Variants in LUZP2 observed in about 807,000 individuals in gnomAD.
LUZP2 encodes leucine zipper protein 2.
A neutral mutation model predicts 51.6 loss-of-function variants in LUZP2; 52 were observed. The ratio of observed to expected loss-of-function variants is 1.01; its 90% CI spans 0.81 to 1.27. LUZP2 has a LOEUF of 1.27. Among genes scored for constraint, LUZP2 ranks in the 50% most tolerant of loss-of-function variants. The probability of loss-of-function intolerance (pLI) is 0.00; values close to 1 mark genes in which losing one functional copy is unlikely to be tolerated. For missense variants in LUZP2, 436 were observed against 395.4 expected (o/e 1.10, Z -0.87); for synonymous variants, 154 against 137.3 (o/e 1.12, Z -0.85).
At chr11:25,077,664 T>C (rs1368512043) in intron 11 of LUZP2, among the ~76,000 whole-genome samples, 7 of 151,168 alleles carry the variant, frequency 4.6e-5, no homozygotes, top group African/African-American at 1.7e-4. Flanking sequence ...CACGCCCAAA[T>C]TTTTTGTATT....
intron 9 of LUZP2, among the ~76,000 whole-genome samples, chr11:25,014,092 T>C (rs1354709261): frequency 1.3e-5 from 2 of 152,228 alleles, no homozygotes; most frequent in East Asian, 1.9e-4. Flanking sequence ...TCCTTTTTTA[T>C]GGCTGCATAG....
At position 24,963,433 on chromosome 11, in the gene LUZP2, C is replaced by T. The variant is rs529828739; in HGVS notation, c.523-13158C>T. 1.2e-4 allele frequency among the ~76,000 whole-genome samples: 19 copies of T among 152,288 alleles called. No homozygotes were observed. In the East Asian group the frequency reaches 1.7e-3, roughly 14 times the overall value. ...TGGGCTCCACCCAGTTCGAGCTTCC[C>T]GGCTGCTTTGTTTACCTAAGCAAGC... On this transcript the variant is annotated intron_variant, in intron 7 of 11. Transcript: ENST00000336930.
At chr11:24,812,021 C>A (rs1311395442) in intron 5 of LUZP2, among the ~76,000 whole-genome samples, 3 of 152,120 alleles carry the variant, frequency 2.0e-5, no homozygotes, top group East Asian at 1.9e-4. Flanking sequence ...CATTTGCCAT[C>A]TCACCCTATG....
At chr11:25,015,015 C>T (rs948672412) in intron 9 of LUZP2, among the ~76,000 whole-genome samples, 2 of 152,084 alleles carry the variant, frequency 1.3e-5, no homozygotes, top group Non-Finnish European at 2.9e-5. Context: ...GGAATCCTTT[C>T]CCCATTTCTT....
At chr11:24,562,103 A>G (rs1852059712) in intron 1 of LUZP2, among the ~76,000 whole-genome samples, 2 of 152,136 alleles carry the variant, frequency 1.3e-5, no homozygotes, top group Admixed American at 1.3e-4. Flanking sequence ...TGAGGTATCT[A>G]CGTTAGTTTT....
intron 1 of LUZP2, among the ~76,000 whole-genome samples, chr11:24,653,524 G>A (rs1412371128): frequency 1.3e-5 from 2 of 152,138 alleles, no homozygotes; most frequent in African/African-American, 2.4e-5. Context: ...TCCGAATTCA[G>A]TGAAGAGATC....
chr11:25,024,690 G>T (rs1376359147), intron 9 of LUZP2, among the ~76,000 whole-genome samples: 1 of 152,060 alleles, frequency 6.6e-6, no homozygotes, highest in Non-Finnish European at 1.5e-5. Context: ...TGGATAGGAA[G>T]AATCAATATT....
chr11:24,845,554 C>T (rs2631474), intron 5 of LUZP2, among the ~76,000 whole-genome samples: 23,054 of 151,956 alleles, frequency 0.15, 1,919 homozygotes, highest in African/African-American at 0.2. Context: ...CAGAATGATA[C>T]GGTTTGGCTG....
intron 10 of LUZP2, among the ~76,000 whole-genome samples, chr11:25,069,548 T>C (rs1429787885): frequency 6.6e-6 from 1 of 151,874 alleles, no homozygotes; most frequent in Non-Finnish European, 1.5e-5. Flanking sequence ...GAGCATGTTT[T>C]CCCAGTGAGT....
intron 5 of LUZP2, among the ~76,000 whole-genome samples, chr11:24,862,996 T>C (rs1851784930): frequency 6.6e-6 from 1 of 152,060 alleles, no homozygotes; most frequent in Admixed American, 6.6e-5. Context: ...TGAAACCACA[T>C]TGAGAAACCA....
chr11:25,032,332 C>T (rs140173518), intron 9 of LUZP2, among the ~76,000 whole-genome samples: 13 of 152,226 alleles, frequency 8.5e-5, no homozygotes, highest in South Asian at 2.1e-4. Context: ...AAACTAATAA[C>T]GCTGGTATGA....
chr11:24,791,617 C>T (rs1849412225), intron 5 of LUZP2, among the ~76,000 whole-genome samples: 1 of 151,988 alleles, frequency 6.6e-6, no homozygotes, highest in African/African-American at 2.4e-5. Flanking sequence ...ATCTCTTCAA[C>T]ATGTTGTATA....
intron 1 of LUZP2, among the ~76,000 whole-genome samples, chr11:24,666,058 A>C (rs987253775): frequency 2.0e-5 from 3 of 152,198 alleles, no homozygotes; most frequent in African/African-American, 4.8e-5. Flanking sequence ...AAACTCAAAA[A>C]ATTATTTACC....
intron 5 of LUZP2, among the ~76,000 whole-genome samples, chr11:24,833,707 C>T (rs2631488): frequency 2.6e-3 from 310 of 117,530 alleles, no homozygotes; most frequent in Non-Finnish European, 3.3e-3. Flanking sequence ...TGCCACCGCG[C>T]GCGCGCACAC....
chr11:25,074,964 AT>A (rs1859258934), intron 10 of LUZP2, among the ~76,000 whole-genome samples: 1 of 152,206 alleles, frequency 6.6e-6, no homozygotes, highest in Admixed American at 6.5e-5. Flanking sequence ...TACCAAGTGC[AT>A]TTTGGGAAAT....
chr11:24,641,646 A>G (rs1052806951), intron 1 of LUZP2, among the ~76,000 whole-genome samples: 4 of 151,860 alleles, frequency 2.6e-5, no homozygotes, highest in Non-Finnish European at 4.4e-5. Flanking sequence ...ATAAAAAGAC[A>G]TATTTTTCAA....
At chr11:24,682,955 G>T (rs1210661536) in intron 1 of LUZP2, among the ~76,000 whole-genome samples, 1 of 152,106 alleles carries the variant, frequency 6.6e-6, no homozygotes, top group African/African-American at 2.4e-5. Flanking sequence ...AGTGAGCCGA[G>T]ATCAGCTTGG....
intron 6 of LUZP2, among the ~76,000 whole-genome samples, chr11:24,910,263 A>C (rs1853583928): frequency 1.3e-5 from 2 of 152,214 alleles, no homozygotes; most frequent in Non-Finnish European, 2.9e-5. Flanking sequence ...AAAAAGAAAG[A>C]AAACATTTTC....
At chr11:24,805,102 GT>G (rs1258279459) in intron 5 of LUZP2, among the ~76,000 whole-genome samples, 1 of 151,902 alleles carries the variant, frequency 6.6e-6, no homozygotes, top group Non-Finnish European at 1.5e-5. Context: ...AGAAAAAGTG[GT>G]TTAATCAACT....
Sources: allele counts gnomAD v4.1 joint callset (sites outside exome capture counted in the v4.1 genomes callset), GRCh38; gene constraint gnomAD v4.1.1; transcripts MANE v1.5; gene names NCBI Gene and HGNC (gene_info 2026-07-23, HGNC 2026-07-21).